Variants in C12orf57 observed in about 807,000 individuals in gnomAD.
C12orf57 encodes the protein protein C10.
In C12orf57, 14 loss-of-function variants were observed where a neutral mutation model predicts 11.3. The observed-to-expected ratio is 1.24, with a 90% CI of 0.82 to 1.94. The LOEUF (loss-of-function observed/expected upper bound fraction) is 1.94. Among genes scored for constraint, C12orf57 ranks in the 30% most tolerant of loss-of-function variants. The pLI is 0.00. For missense variants in C12orf57, 229 were observed against 172.4 expected (o/e 1.33, Z -1.84); for synonymous variants, 100 against 74.6 (o/e 1.34, Z -1.76).
At position 6,945,771 on chromosome 12, in the gene C12orf57, G is replaced by C; in HGVS notation, c.230G>C (p.Gly77Ala). The change falls in exon 3 of 3, where the codon GGT becomes GCT. Residue 77 changes from glycine to alanine, a missense_variant and splice_region_variant. Coordinates refer to ENST00000229281, the MANE Select transcript of C12orf57 (RefSeq NM_138425.4). ...KAYGFSCDGE[G>A]VLKFARLVKS... ...GTTGACCTTCCACTCCCTCTTGCAG[G>C]TGTCCTTAAGTTTGCTCGCTTGGTC... The C allele has an allele frequency of 6.2e-7, 1 of 1,613,554 alleles. No individual in the cohort carries two copies. The highest frequency in any genetic ancestry group is 8.5e-7 in the Non-Finnish European group (1 of 1,179,832).
At position 6,944,107 on chromosome 12, in the gene C12orf57, A is replaced by T; in HGVS notation, c.-15A>T. The stretch of plus-strand genomic sequence containing the variant: ...TTCCATTTACCTCCGCTGAACCTAG[A>T]GCTTCAGACGCCCTATGGCGTCCGC... On this transcript the variant is annotated 5_prime_UTR_variant, in exon 1 of 3. Coordinates refer to ENST00000229281, the MANE Select transcript of C12orf57 (RefSeq NM_138425.4). 6.2e-7 allele frequency: 1 copy of T among 1,614,140 alleles called. No individual in the cohort carries two copies.
At chr12:6,943,921 A>AT, upstream of C12orf57, 1 of 1,301,334 alleles carries the variant, frequency 7.7e-7, no homozygotes, top group Non-Finnish European at 1.0e-6. Context: ...TTCACTGTGC[A>AT]AAAATTATGG....
upstream of C12orf57, chr12:6,943,903 AGATT>A (rs1945700462): frequency 8.9e-7 from 1 of 1,129,764 alleles, no homozygotes; most frequent in Non-Finnish European, 1.2e-6. Context: ...TGCCAATGAT[AGATT>A]GTTTTCACTG....
chr12:6,944,305 A>G (rs1484379367), intron 1 of C12orf57, 132 bp downstream of exon 1: 22 of 1,585,594 alleles, frequency 1.4e-5, no homozygotes, highest in Middle Eastern at 2.2e-4. Flanking sequence ...AAAATGGGGT[A>G]GGGGACGCCG....
In C12orf57 at chr12:6,945,917, T is replaced by G; in HGVS notation, c.376T>G (p.Ser126Ala). ...TGCTGCTGGTGGCAGCGTGGCCGCCTCCTGAGAGTTGGCCCTCCCTTGTGC... is the reference window on the plus strand; with the variant it reads ...TGCTGCTGGTGGCAGCGTGGCCGCCGCCTGAGAGTTGGCCCTCCCTTGTGC... Reference protein sequence around the residue: ...GPAAGGSVAAS With the variant: ...GPAAGGSVAAA Residue 126 changes from serine to alanine, a missense_variant, in exon 3 of 3, where the codon TCC becomes GCC. By Grantham distance (99) the Ser-to-Ala change is moderately conservative. Coordinates refer to ENST00000229281, the MANE Select transcript of C12orf57 (RefSeq NM_138425.4). The G allele has an allele frequency of 6.2e-6, 10 of 1,610,898 alleles. No individual in the cohort carries two copies. The highest frequency in any genetic ancestry group is 7.6e-6 in the Non-Finnish European group (9 of 1,179,544).
chr12:6,943,933 T>A, upstream of C12orf57: 3 of 1,345,586 alleles, frequency 2.2e-6, no homozygotes, highest in South Asian at 1.3e-5. Flanking sequence ...AAATTATGGG[T>A]AGTTTTGGTG....
chr12:6,943,817 A>C (rs782162928), upstream of C12orf57: 60 of 839,078 alleles, frequency 7.2e-5, no homozygotes, highest in East Asian at 9.3e-4. Context: ...CATACGCAGC[A>C]GTGTTACAGC....
At chr12:6,945,100 A>C (rs1945768898) in intron 2 of C12orf57, 1 of 275,326 alleles carries the variant, frequency 3.6e-6, no homozygotes. Flanking sequence ...CCCACCCCCC[A>C]CTATGAAGTC....
In C12orf57 at chr12:6,944,164, C is replaced by T. The variant is rs1565574197; in HGVS notation, c.43C>T (p.Gln15Ter). The change falls in exon 1 of 3, where the codon CAA (glutamine) becomes TAA (stop). Residue 15 changes from glutamine (Q) to a stop codon, truncating the protein, a stop_gained. Transcript: ENST00000229281. LOFTEE classifies it high-confidence loss of function. ...STQPAALSAE[Q>*]AKVVLAEVIQ... is the part of the protein sequence containing the mutation. ...CCAACCGGCGGCCTTGAGCGCTGAG[C>T]AAGCAAAGGGTGAGAATCGTCCTAG... 5.6e-6 allele frequency: 9 copies of T among 1,614,200 alleles called. No individual in the cohort carries two copies. Among genetic ancestry groups the T allele is most frequent in the South Asian group, 1.1e-5 (1 of 91,090 alleles).
rs73262868 is a variant in C12orf57, at chr12:6,944,797, C to T, written c.229+145C>T. 4.1e-3 allele frequency: 6,095 copies of T among 1,504,036 alleles called. 207 individuals are homozygous for T. In the African/African-American group the frequency reaches 0.073, roughly 18 times the overall value. The allele number at this position is 1,504,036 out of a possible 1,614,324, so 93.2% of individuals were successfully genotyped here. A position where few individuals can be genotyped will look rare whatever the true frequency, so the allele number is the denominator to read the frequency against. Reference sequence around the variant, plus strand: ...CAATCTGACTAACATTCTTGGCACTCAGAGCCCAGGGTCTACCCTGAGCTT... The same window carrying T: ...CAATCTGACTAACATTCTTGGCACTTAGAGCCCAGGGTCTACCCTGAGCTT... On this transcript the variant is annotated intron_variant, in intron 2 of 2. Transcript: ENST00000229281.
chr12:6,945,842 A>G lies in C12orf57; in HGVS notation c.301A>G (p.Lys101Glu). 1 of 1,613,928 alleles carries G rather than the reference A, an allele frequency of 6.2e-7. No homozygotes were observed. The highest frequency in any genetic ancestry group is 8.5e-7 in the Non-Finnish European group (1 of 1,179,944). Reference sequence around the variant, plus strand: ...TCCTGAGATCGCCAGCCTGTCAGGCAAGCTGAAGGCGCTGTTTCTGCCGCC... The same window carrying G: ...TCCTGAGATCGCCAGCCTGTCAGGCGAGCTGAAGGCGCTGTTTCTGCCGCC... ...QDPEIASLSG[K>E]LKALFLPPMT... The change falls in exon 3 of 3, where the codon AAG (lysine) becomes GAG (glutamate). Residue 101 changes from lysine to glutamate, a missense_variant. Physicochemically the swap from Lys to Glu is moderately conservative, Grantham distance 56 (BLOSUM62 1). Transcript: ENST00000229281.
upstream of C12orf57, chr12:6,943,974 A>AAGGTTTGGGCC: frequency 1.3e-6 from 2 of 1,565,026 alleles, no homozygotes; most frequent in East Asian, 2.2e-5. Context: ...TTGGGGTATG[A>AAGGTTTGGGCC]AGGTTTGGGC....
At chr12:6,943,811 C>G (rs76168000), upstream of C12orf57, 30 of 858,124 alleles carry the variant, frequency 3.5e-5, no homozygotes, top group African/African-American at 4.0e-4. Flanking sequence ...CAAACACATA[C>G]GCAGCAGTGT....
chr12:6,944,169 AAAGG>A lies in C12orf57; in HGVS notation c.49_52del (p.Lys17TrpfsTer6). The A allele has an allele frequency of 6.2e-7, 1 of 1,614,186 alleles. No individual in the cohort carries two copies. The highest frequency in any genetic ancestry group is 8.5e-7 in the Non-Finnish European group (1 of 1,179,988). ...CGGCGGCCTTGAGCGCTGAGCAAGC[AAAGG>A]GTGAGAATCGTCCTAGTCAAGGCAT... is the stretch of plus-strand genomic sequence containing the variant. On this transcript the variant is annotated frameshift_variant and splice_region_variant, in exon 1 of 3. Transcript: ENST00000229281. LOFTEE classifies it high-confidence loss of function.
chr12:6,943,868 G>T, upstream of C12orf57: 2 of 941,890 alleles, frequency 2.1e-6, no homozygotes, highest in South Asian at 3.5e-5. Context: ...GCTTTTTACC[G>T]GAAAGCCCCT....
rs1201189992 is a variant in C12orf57, at chr12:6,944,670, A to C, written c.229+18A>C. ...CGGGGAAGGTGGGTCAGACGCGGGA[A>C]GGCGGGTCAGACGCGGGAAGGCGGG... On this transcript the variant is annotated intron_variant, in intron 2 of 2. Transcript: ENST00000229281. 6.4e-7 allele frequency: 1 copy of C among 1,561,572 alleles called. No individual in the cohort carries two copies. Among genetic ancestry groups the C allele is most frequent in the Non-Finnish European group, 8.6e-7 (1 of 1,166,370 alleles).
chr12:6,944,067 C>CTAA lies in C12orf57; in HGVS notation c.-54_-53insAAT, dbSNP rs1945717094. On this transcript the variant is annotated 5_prime_UTR_variant, in exon 1 of 3. Coordinates refer to ENST00000229281, the MANE Select transcript of C12orf57 (RefSeq NM_138425.4). The stretch of plus-strand genomic sequence containing the variant: ...TTGGGAACGGTTGTAGGACGTGGCT[C>CTAA]TTTATTCGTGAGTTTTCCATTTACC... 6.2e-7 allele frequency: 1 copy of CTAA among 1,613,336 alleles called. No homozygotes were observed. The highest frequency in any genetic ancestry group is 8.5e-7 in the Non-Finnish European group (1 of 1,179,882).
intron 1 of C12orf57, 128 bp downstream of exon 1, chr12:6,944,301 G>A: frequency 1.2e-5 from 19 of 1,590,414 alleles, no homozygotes; most frequent in Non-Finnish European, 1.5e-5. Flanking sequence ...CGGGAAAATG[G>A]GGTAGGGGAC....
Position 6,944,948 on chromosome 12 carries a change from A to T in C12orf57, c.229+296A>T, listed in dbSNP as rs781935417. On this transcript the variant is annotated intron_variant, in intron 2 of 2. Transcript: ENST00000229281. ...TACATATACATGGATATCTTGGGGG[A>T]TGGGACCTAAATCTGAACACGAAAT... 1.5e-5 allele frequency: 17 copies of T among 1,120,080 alleles called. No individual in the cohort carries two copies. The South Asian group carries it at 3.0e-4, about 20-fold the overall frequency. The allele number at this position is 1,120,080 out of a possible 1,614,324, so 69.4% of individuals were successfully genotyped here.
Sources: gnomAD v4.1 joint callset for allele counts on GRCh38, gnomAD v4.1.1 for gene constraint, MANE v1.5 for transcripts, NCBI Gene and HGNC (gene_info 2026-07-23, HGNC 2026-07-21) for gene names.